The following KCNH1 variants were observed in gnomAD, a reference collection of about 807,000 sequenced individuals.
The protein encoded by KCNH1 is potassium voltage-gated channel subfamily H member 1, also known as voltage-gated delayed rectifier potassium channel KCNH1.
KCNH1 carries 27 observed loss-of-function variants against 69.2 expected under a neutral mutation model. The ratio of observed to expected loss-of-function variants is 0.39; its 90% CI spans 0.29 to 0.54. KCNH1 has a LOEUF of 0.54. KCNH1 is among the 20% of genes least tolerant of loss of function. KCNH1 has a pLI of 0.68. For synonymous variants in KCNH1, 456 were observed against 487.7 expected (o/e 0.93, Z 0.86); for missense variants, 798 against 1,261.6 (o/e 0.63, Z 5.57).
chr1:211,119,832 A>G (rs1259162383), intron 1 of KCNH1, among the ~76,000 whole-genome samples: 2 of 152,224 alleles, frequency 1.3e-5, no homozygotes, highest in East Asian at 3.8e-4. Context: ...TACATTTTTT[A>G]TTAAGTCAGT....
intron 5 of KCNH1, among the ~76,000 whole-genome samples, chr1:211,072,973 C>T (rs1483920273): frequency 6.6e-6 from 1 of 152,112 alleles, no homozygotes; most frequent in East Asian, 1.9e-4. Context: ...TATATGTCGT[C>T]TACAGAAAGT....
rs368907891 is a variant in KCNH1 at position 211,049,050 on chromosome 1, A to G, written c.559-29794T>C. On this transcript the variant is annotated intron_variant, in intron 5 of 10. Coordinates refer to ENST00000271751, the MANE Select transcript of KCNH1 (RefSeq NM_172362.3). Reference sequence around the variant, plus strand: ...CATTTATTTGAAGAAAAAAAAAATAAAGTAGCCTCACAAACTCCATCAGTT... The same window carrying G: ...CATTTATTTGAAGAAAAAAAAAATAGAGTAGCCTCACAAACTCCATCAGTT... Among the ~76,000 whole-genome samples, 27 of 152,250 alleles carry G rather than the reference A, an allele frequency of 1.8e-4. No homozygotes were observed. In the East Asian group the frequency reaches 4.6e-3, roughly 26 times the overall value.
chr1:210,802,824 T>C (rs926770910), intron 8 of KCNH1, among the ~76,000 whole-genome samples: 25 of 152,266 alleles, frequency 1.6e-4, no homozygotes, highest in African/African-American at 5.8e-4. Flanking sequence ...GTCTGATGAA[T>C]AGGGTTGCCT....
At chr1:210,713,039 C>T (rs1282707470) in intron 10 of KCNH1, among the ~76,000 whole-genome samples, 2 of 152,152 alleles carry the variant, frequency 1.3e-5, no homozygotes, top group African/African-American at 2.4e-5. Flanking sequence ...ATTGTGCAGG[C>T]AATATTCCTT....
chr1:210,942,138 G>C (rs527473031), intron 6 of KCNH1, among the ~76,000 whole-genome samples: 1 of 152,338 alleles, frequency 6.6e-6, no homozygotes, highest in South Asian at 2.1e-4. Context: ...GCAGGCAGAA[G>C]TAAGTAAACA....
intron 5 of KCNH1, among the ~76,000 whole-genome samples, chr1:211,061,401 A>C (rs1690431324): frequency 6.6e-6 from 1 of 152,212 alleles, no homozygotes; most frequent in Non-Finnish European, 1.5e-5. Context: ...AAAATCTGGA[A>C]TGAGACAGGG....
At chr1:211,052,597 AGAG>A (rs772328880) in intron 5 of KCNH1, among the ~76,000 whole-genome samples, 10 of 152,208 alleles carry the variant, frequency 6.6e-5, no homozygotes, top group Non-Finnish European at 1.0e-4. Flanking sequence ...AAAAAGTTAA[AGAG>A]AAGAATAGGA....
At chr1:210,876,361 C>G (rs1287941463) in intron 7 of KCNH1, among the ~76,000 whole-genome samples, 2 of 152,152 alleles carry the variant, frequency 1.3e-5, no homozygotes, top group African/African-American at 4.8e-5. Flanking sequence ...CTACCTTCCT[C>G]CCATCCTACA....
At position 211,107,234 on chromosome 1, in the gene KCNH1, A is replaced by G; in HGVS notation, c.203+20T>C. 6.2e-7 allele frequency: 1 copy of G among 1,612,502 alleles called. No homozygotes were observed. The highest frequency in any genetic ancestry group is 8.5e-7 in the Non-Finnish European group (1 of 1,179,336). ...ATACCATAATAGATTGTTCACCAGA[A>G]CAACTCCAAACATAAATACCTGCAG... On this transcript the variant is annotated intron_variant, in intron 2 of 10. Transcript: ENST00000271751.
At chr1:210,987,587 T>C (rs941282851) in intron 6 of KCNH1, among the ~76,000 whole-genome samples, 1 of 149,986 alleles carries the variant, frequency 6.7e-6, no homozygotes, top group Non-Finnish European at 1.5e-5. Flanking sequence ...AGCGGTGGCT[T>C]CAGAACAGCG....
intron 10 of KCNH1, among the ~76,000 whole-genome samples, chr1:210,708,227 A>G (rs1681963527): frequency 7.4e-6 from 1 of 135,534 alleles, no homozygotes; most frequent in African/African-American, 3.5e-5. Flanking sequence ...CCCCACTCCC[A>G]TTGTTGGTTC....
intron 5 of KCNH1, among the ~76,000 whole-genome samples, chr1:211,032,684 G>A (rs1689811807): frequency 6.6e-6 from 1 of 152,170 alleles, no homozygotes; most frequent in African/African-American, 2.4e-5. Flanking sequence ...TTTAATAAAT[G>A]GTGCTGGGAA....
intron 7 of KCNH1, among the ~76,000 whole-genome samples, chr1:210,907,137 T>A (rs536554547): frequency 3.3e-5 from 5 of 152,210 alleles, no homozygotes; most frequent in African/African-American, 1.2e-4. Context: ...TCCAATCACA[T>A]GGATGCAAAA....
intron 4 of KCNH1, among the ~76,000 whole-genome samples, chr1:211,088,999 T>C (rs752945453): frequency 2.7e-5 from 4 of 146,652 alleles, no homozygotes; most frequent in Non-Finnish European, 5.9e-5. Context: ...GGCACCTACA[T>C]GCCAGGTACG....
chr1:210,961,742 A>C (rs912885159), intron 6 of KCNH1, among the ~76,000 whole-genome samples: 2 of 152,106 alleles, frequency 1.3e-5, no homozygotes, highest in East Asian at 1.9e-4. Flanking sequence ...TGGGAGGCTT[A>C]GGCAGGTGAA....
intron 7 of KCNH1, among the ~76,000 whole-genome samples, chr1:210,905,304 T>C (rs1574329763): frequency 6.6e-6 from 1 of 152,214 alleles, no homozygotes; most frequent in East Asian, 1.9e-4. Flanking sequence ...AATTAGTCAA[T>C]ATGAGTTAAG....
intron 9 of KCNH1, among the ~76,000 whole-genome samples, chr1:210,785,291 A>T (rs1250699918): frequency 6.6e-6 from 1 of 152,198 alleles, no homozygotes; most frequent in Non-Finnish European, 1.5e-5. Flanking sequence ...CAGGAAAAAA[A>T]GTTGGATGGT....
rs12750476 is a variant in KCNH1 at position 210,729,976 on chromosome 1, G to A, written c.2112+45372C>T. Among the ~76,000 whole-genome samples the A allele has an allele frequency of 3.2e-3, 485 of 152,268 alleles. 2 individuals carry two copies. Among genetic ancestry groups the A allele is most frequent in the Non-Finnish European group, 6.1e-3 (417 of 68,022 alleles). ...TGGATAGAAACCACCCAGGGCTGATGAGGTCGGTCAAGAGAGTCCCCCAAC... is the reference window on the plus strand; with the variant it reads ...TGGATAGAAACCACCCAGGGCTGATAAGGTCGGTCAAGAGAGTCCCCCAAC... On this transcript the variant is annotated intron_variant, in intron 10 of 10. Coordinates refer to ENST00000271751, the MANE Select transcript of KCNH1 (RefSeq NM_172362.3).
chr1:211,010,048 A>G (rs1360773724), intron 6 of KCNH1, among the ~76,000 whole-genome samples: 2 of 152,200 alleles, frequency 1.3e-5, no homozygotes, highest in Non-Finnish European at 2.9e-5. Flanking sequence ...CAGCCTGGGA[A>G]AATTCAGGGG....
Sources: gnomAD v4.1 joint callset for allele counts (sites outside exome capture counted in the v4.1 genomes callset) on GRCh38, gnomAD v4.1.1 for gene constraint, MANE v1.5 for transcripts, NCBI Gene and HGNC (gene_info 2026-07-23, HGNC 2026-07-21) for gene names.